The following OSBPL10 variants were observed in gnomAD, a reference collection of about 807,000 sequenced individuals.
OSBPL10 encodes oxysterol-binding protein-related protein 10.
In OSBPL10, 49 loss-of-function variants were observed where a neutral mutation model predicts 81.7. That is an observed-to-expected ratio of 0.60 (90% confidence interval 0.48 to 0.76). The LOEUF is 0.76. OSBPL10 is among the 30% of genes least tolerant of loss of function. The pLI, the probability that OSBPL10 is intolerant of heterozygous loss-of-function variation, is 0.00. For synonymous variants in OSBPL10, 419 were observed against 383.6 expected (o/e 1.09, Z -1.08); for missense variants, 923 against 987.8 (o/e 0.93, Z 0.88).
At chr3:31,821,829 C>A (rs1186619137) in intron 4 of OSBPL10, among the ~76,000 whole-genome samples, 1 of 152,188 alleles carries the variant, frequency 6.6e-6, no homozygotes, top group Non-Finnish European at 1.5e-5. Context: ...AGATCACTAC[C>A]TTAAAATTGA....
chr3:31,677,647 G>C (rs908068975), intron 8 of OSBPL10, among the ~76,000 whole-genome samples: 6 of 152,130 alleles, frequency 3.9e-5, no homozygotes, highest in African/African-American at 1.4e-4. Flanking sequence ...TCTCACCCAC[G>C]ACACTGTGGT....
At chr3:31,673,943 A>C (rs1412247930) in intron 8 of OSBPL10, among the ~76,000 whole-genome samples, 2 of 151,516 alleles carry the variant, frequency 1.3e-5, no homozygotes, top group African/African-American at 4.9e-5. Flanking sequence ...ACCATACCCA[A>C]CTAATTGAAA....
chr3:31,874,844 G>A (rs1238211155), intron 3 of OSBPL10, among the ~76,000 whole-genome samples: 1 of 151,900 alleles, frequency 6.6e-6, no homozygotes, highest in Non-Finnish European at 1.5e-5. Context: ...AATTCCACTG[G>A]TATAAATTCA....
intron 5 of OSBPL10, among the ~76,000 whole-genome samples, chr3:31,733,880 G>T (rs189279178): frequency 6.6e-6 from 1 of 151,818 alleles, no homozygotes; most frequent in African/African-American, 2.4e-5. Flanking sequence ...CGTGGTGGCG[G>T]GCACCTGTAG....
chr3:31,806,822 C>A (rs1699533102), intron 4 of OSBPL10, among the ~76,000 whole-genome samples: 2 of 151,958 alleles, frequency 1.3e-5, no homozygotes, highest in African/African-American at 4.8e-5. Context: ...GGTGGATATG[C>A]AGGGAACGGT....
At chr3:31,813,834 A>C (rs1699769887) in intron 4 of OSBPL10, among the ~76,000 whole-genome samples, 1 of 152,136 alleles carries the variant, frequency 6.6e-6, no homozygotes, top group Admixed American at 6.5e-5. Flanking sequence ...AATTTACTTC[A>C]CGGGGCAGAT....
chr3:31,782,586 A>T (rs959715488), intron 4 of OSBPL10, among the ~76,000 whole-genome samples: 7 of 152,222 alleles, frequency 4.6e-5, no homozygotes, highest in African/African-American at 1.7e-4. Context: ...AACTCAAATG[A>T]ATCAGCAAGA....
At chr3:31,743,785 C>G (rs1697432723) in intron 5 of OSBPL10, among the ~76,000 whole-genome samples, 1 of 152,142 alleles carries the variant, frequency 6.6e-6, no homozygotes, top group Admixed American at 6.5e-5. Context: ...GAAATGAAAC[C>G]ATGCCAGAGT....
chr3:32,017,710 T>G (rs1699328134), intron 2 of OSBPL10, among the ~76,000 whole-genome samples: 1 of 152,204 alleles, frequency 6.6e-6, no homozygotes, highest in Non-Finnish European at 1.5e-5. Context: ...TGACATCAGT[T>G]AAGCCATTTC....
chr3:31,970,843 C>T (rs1229365555), intron 1 of OSBPL10, among the ~76,000 whole-genome samples: 1 of 152,182 alleles, frequency 6.6e-6, no homozygotes, highest in Non-Finnish European at 1.5e-5. Context: ...TCATCTCTGG[C>T]CACACTCCAC....
intron 1 of OSBPL10, among the ~76,000 whole-genome samples, chr3:31,979,197 A>G (rs1057460001): frequency 1.3e-5 from 2 of 152,156 alleles, no homozygotes; most frequent in African/African-American, 4.8e-5. Context: ...CATTCTACCT[A>G]TTCTTTTTCA....
intron 1 of OSBPL10, 50 bp from the exon 2 acceptor site, chr3:31,879,880 C>T (rs1695508619): frequency 2.6e-6 from 4 of 1,538,150 alleles, no homozygotes; most frequent in Non-Finnish European, 3.5e-6. Flanking sequence ...CCCTATTCTG[C>T]ACAGCAAAGC....
chr3:31,845,635 C>T (rs538363323), intron 3 of OSBPL10, among the ~76,000 whole-genome samples: 2 of 152,154 alleles, frequency 1.3e-5, no homozygotes, highest in Non-Finnish European at 2.9e-5. Flanking sequence ...CTGTGTCAGA[C>T]TTCACCAAGA....
At chr3:31,778,766 A>C (rs1698612890) in intron 4 of OSBPL10, among the ~76,000 whole-genome samples, 1 of 152,208 alleles carries the variant, frequency 6.6e-6, no homozygotes, top group Non-Finnish European at 1.5e-5. Flanking sequence ...CACAGTCATC[A>C]GGTTATCTAG....
chr3:32,043,303 C>G (rs1243477723), intron 2 of OSBPL10, among the ~76,000 whole-genome samples: 2 of 152,152 alleles, frequency 1.3e-5, no homozygotes, highest in South Asian at 2.1e-4. Flanking sequence ...TTTGCCCGAC[C>G]CTGCAGGCAG....
intron 3 of OSBPL10, among the ~76,000 whole-genome samples, chr3:31,831,196 C>A (rs537724661): frequency 4.6e-5 from 7 of 152,128 alleles, no homozygotes. Context: ...CACCTGAGGT[C>A]AGGAGTTCAA....
chr3:31,943,781 T>C (rs943566473), intron 1 of OSBPL10, among the ~76,000 whole-genome samples: 11 of 151,576 alleles, frequency 7.3e-5, no homozygotes, highest in Middle Eastern at 3.2e-3. Context: ...GCCTGGCCAA[T>C]AGGGTGAAAC....
chr3:31,948,759 C>A (rs1575054589), intron 1 of OSBPL10, among the ~76,000 whole-genome samples: 1 of 152,096 alleles, frequency 6.6e-6, no homozygotes, highest in Non-Finnish European at 1.5e-5. Flanking sequence ...AAAAGGCCCC[C>A]AAATCAAGTT....
chr3:31,769,955 G>A (rs1404344182), intron 4 of OSBPL10, among the ~76,000 whole-genome samples: 2 of 152,170 alleles, frequency 1.3e-5, no homozygotes, highest in Admixed American at 6.5e-5. Flanking sequence ...GGTTTTTCAA[G>A]GGGTTTGGGA....
Sources: gnomAD v4.1 joint callset for allele counts (sites outside exome capture counted in the v4.1 genomes callset) on GRCh38, gnomAD v4.1.1 for gene constraint, MANE v1.5 for transcripts, NCBI Gene and HGNC (gene_info 2026-07-23, HGNC 2026-07-21) for gene names.